EPHA6: variants seen among roughly 807,000 people sequenced by gnomAD.
The protein encoded by EPHA6 is ephrin type-A receptor 6.
EPHA6 carries 50 observed loss-of-function variants against 112.0 expected under a neutral mutation model. That is an observed-to-expected ratio of 0.45 (90% CI 0.36 to 0.56). The LOEUF (loss-of-function observed/expected upper bound fraction) is 0.56. Ranked by LOEUF, EPHA6 falls within the 20% of genes least tolerant of loss-of-function variation. The pLI is 0.00. For synonymous variants in EPHA6, 529 were observed against 490.7 expected (o/e 1.08, Z -1.03); for missense variants, 1,280 against 1,417.4 (o/e 0.90, Z 1.56).
intron 14 of EPHA6, among the ~76,000 whole-genome samples, chr3:97,676,062 T>TTGA (rs1245760648): frequency 6.6e-6 from 1 of 152,148 alleles, no homozygotes; most frequent in Non-Finnish European, 1.5e-5. Flanking sequence ...TATGTTAAGT[T>TTGA]TGATGTGCCA....
At chr3:96,859,198 G>A (rs925431181) in intron 1 of EPHA6, among the ~76,000 whole-genome samples, 30 of 151,906 alleles carry the variant, frequency 2.0e-4, no homozygotes, top group African/African-American at 6.8e-4. Flanking sequence ...TAAAGTAATA[G>A]TTATAATTGT....
intron 3 of EPHA6, among the ~76,000 whole-genome samples, chr3:97,194,759 G>A (rs567312944): frequency 7.3e-5 from 11 of 149,954 alleles, no homozygotes; most frequent in South Asian, 6.3e-4. Context: ...TGTTGGGTTC[G>A]TATATATTTA....
chr3:97,655,007 T>G (rs377050793), intron 14 of EPHA6, among the ~76,000 whole-genome samples: 6 of 151,240 alleles, frequency 4.0e-5, no homozygotes, highest in African/African-American at 1.5e-4. Context: ...TGCCTTAGTT[T>G]ATGCCGGTAA....
At chr3:97,446,273 A>C (rs1215629134) in intron 6 of EPHA6, among the ~76,000 whole-genome samples, 4 of 152,114 alleles carry the variant, frequency 2.6e-5, no homozygotes, top group Non-Finnish European at 5.9e-5. Context: ...AAGACAAGGC[A>C]GCAGCACTCA....
At chr3:97,570,747 A>G (rs557970716) in intron 11 of EPHA6, among the ~76,000 whole-genome samples, 3 of 152,230 alleles carry the variant, frequency 2.0e-5, no homozygotes, top group South Asian at 2.1e-4. Context: ...AAAAAGTATT[A>G]TGGAAGCTTT....
chr3:97,419,087 C>CTGA (rs974771556), intron 6 of EPHA6, among the ~76,000 whole-genome samples: 3 of 152,076 alleles, frequency 2.0e-5, no homozygotes, highest in African/African-American at 7.2e-5. Context: ...GGCGAATCAC[C>CTGA]TGAGTTCGGG....
At chr3:97,277,566 A>G (rs2080134425) in intron 5 of EPHA6, among the ~76,000 whole-genome samples, 1 of 152,204 alleles carries the variant, frequency 6.6e-6, no homozygotes, top group Admixed American at 6.5e-5. Context: ...AGCCTACTCC[A>G]TATAGGTTAT....
At chr3:97,466,292 A>C in intron 7 of EPHA6, 1 of 1,397,734 alleles carries the variant, frequency 7.2e-7, no homozygotes, top group Non-Finnish European at 1.0e-6. Context: ...ATTCCCCTCA[A>C]GCAACATAAT....
At chr3:97,365,817 C>T (rs562182694) in intron 5 of EPHA6, among the ~76,000 whole-genome samples, 2 of 152,202 alleles carry the variant, frequency 1.3e-5, no homozygotes, top group East Asian at 3.9e-4. Flanking sequence ...AGGTTTGTTT[C>T]CTTGGTTAAT....
rs115015385 is a variant in EPHA6, at chr3:97,214,065, G to A, written c.1115-12199G>A. On this transcript the variant is annotated intron_variant, in intron 3 of 17. Coordinates refer to ENST00000389672, the MANE Select transcript of EPHA6 (RefSeq NM_001080448.3). ...AGAGAGAGAGAGAGAGGGAGAGGGA[G>A]TCTCATTCTGTTGCCCAGGCTGGAG... 5.2e-3 allele frequency among the ~76,000 whole-genome samples: 791 copies of A among 150,932 alleles called. 16 individuals are homozygous for A. Among genetic ancestry groups the A allele is most frequent in the African/African-American group, 0.018 (749 of 41,112 alleles).
At chr3:96,999,930 A>G (rs1381092448) in intron 3 of EPHA6, among the ~76,000 whole-genome samples, 2 of 151,838 alleles carry the variant, frequency 1.3e-5, no homozygotes, top group Non-Finnish European at 2.9e-5. Context: ...GGAGAGCTTC[A>G]TATTACCTAC....
chr3:97,686,014 TATG>T (rs768685497), intron 14 of EPHA6, among the ~76,000 whole-genome samples: 23 of 152,166 alleles, frequency 1.5e-4, no homozygotes, highest in Non-Finnish European at 2.8e-4. Flanking sequence ...GGTGAGAAAT[TATG>T]ATGAGTAACT....
At chr3:97,688,107 A>C (rs901739870) in intron 14 of EPHA6, among the ~76,000 whole-genome samples, 3 of 152,148 alleles carry the variant, frequency 2.0e-5, no homozygotes, top group African/African-American at 4.8e-5. Context: ...ATTGTGTATT[A>C]TTGTGTATAA....
chr3:97,128,283 T>G (rs2108319592), intron 3 of EPHA6, among the ~76,000 whole-genome samples: 1 of 152,356 alleles, frequency 6.6e-6, no homozygotes, highest in South Asian at 2.1e-4. Context: ...TGAATCCATA[T>G]GTTTGCACTT....
chr3:97,348,650 A>G (rs9846857), intron 5 of EPHA6, among the ~76,000 whole-genome samples: 3,284 of 152,198 alleles, frequency 0.022, 134 homozygotes, highest in African/African-American at 0.075. Flanking sequence ...ATGAAACTAC[A>G]TAAATACAGG....
chr3:97,213,978 A>C (rs2108518607), intron 3 of EPHA6, among the ~76,000 whole-genome samples: 1 of 150,042 alleles, frequency 6.7e-6, no homozygotes, highest in South Asian at 2.1e-4. Flanking sequence ...TACATTATCT[A>C]ATCATAATCT....
intron 2 of EPHA6, among the ~76,000 whole-genome samples, chr3:96,894,709 A>C (rs564902916): frequency 9.9e-5 from 15 of 152,264 alleles, no homozygotes; most frequent in African/African-American, 3.6e-4. Flanking sequence ...GATGGCAAAC[A>C]ACTTTAATGT....
intron 5 of EPHA6, among the ~76,000 whole-genome samples, chr3:97,277,592 G>A (rs938095868): frequency 2.0e-5 from 3 of 152,126 alleles, no homozygotes; most frequent in Admixed American, 6.5e-5. Context: ...ATAACCTATT[G>A]CTCCTAGGCT....
chr3:97,072,201 T>C (rs977639403), intron 3 of EPHA6, among the ~76,000 whole-genome samples: 13 of 152,162 alleles, frequency 8.5e-5, no homozygotes, highest in Non-Finnish European at 4.4e-5. Flanking sequence ...GATAGCGTTC[T>C]ATCCATAAAA....
Sources: gnomAD v4.1 joint callset for allele counts (sites outside exome capture counted in the v4.1 genomes callset) on GRCh38, gnomAD v4.1.1 for gene constraint, MANE v1.5 for transcripts, NCBI Gene and HGNC (gene_info 2026-07-23, HGNC 2026-07-21) for gene names.